The following FRRS1 variants were observed in gnomAD, a reference collection of about 807,000 sequenced individuals.
The protein encoded by FRRS1 is ferric reductase 1.
In FRRS1, 51 loss-of-function variants were observed where a neutral mutation model predicts 70.7. The observed-to-expected ratio is 0.72, with a 90% CI of 0.58 to 0.91. The LOEUF (loss-of-function observed/expected upper bound fraction) is 0.91, where lower values mean the gene tolerates loss of function less well. FRRS1 is among the 40% of genes least tolerant of loss of function. The pLI, the probability that FRRS1 is intolerant of heterozygous loss-of-function variation, is 0.00. For missense variants in FRRS1, 672 were observed against 726.0 expected, an observed-to-expected ratio of 0.93 and a Z score of 0.86; for synonymous variants, 225 against 238.7, an observed-to-expected ratio of 0.94 and a Z score of 0.53.
chr1:99,752,612 GA>G (rs950404934), intron 1 of FRRS1, among the ~76,000 whole-genome samples: 1 of 152,150 alleles, frequency 6.6e-6, no homozygotes, highest in Non-Finnish European at 1.5e-5. Context: ...AAAAAGTTTA[GA>G]AACTTGCAAA....
intron 11 of FRRS1, 141 bp from the exon 12 acceptor site, chr1:99,715,813 AG>A: frequency 3.7e-6 from 2 of 544,010 alleles, no homozygotes; most frequent in Non-Finnish European, 3.4e-6. Flanking sequence ...CACAGTTTGT[AG>A]CCAGGTTAAG....
chr1:99,731,758 A>C (rs913980242), intron 7 of FRRS1, among the ~76,000 whole-genome samples: 2 of 152,228 alleles, frequency 1.3e-5, no homozygotes, highest in South Asian at 4.1e-4. Context: ...AACAGAGACC[A>C]TATTGCCCAC....
chr1:99,737,930 G>T (rs1243787840), intron 7 of FRRS1, among the ~76,000 whole-genome samples, 156 bp downstream of exon 7: 7 of 152,094 alleles, frequency 4.6e-5, no homozygotes, highest in Admixed American at 2.0e-4. Flanking sequence ...TTTAGTAGAG[G>T]TGGGGTTTCA....
intron 9 of FRRS1, among the ~76,000 whole-genome samples, chr1:99,721,431 C>T (rs550578274): frequency 7.2e-4 from 108 of 150,826 alleles, no homozygotes; most frequent in African/African-American, 2.5e-3. Context: ...GACATAGCTG[C>T]TAATATAGAA....
Position 99,708,854 on chromosome 1 carries a change from C to T in FRRS1, c.*174G>A. 7.5e-7 allele frequency: 1 copy of T among 1,330,190 alleles called. No individual in the cohort carries two copies. The highest frequency in any genetic ancestry group is 1.7e-5 in the Admixed American group (1 of 58,796). 82.4% of individuals were successfully genotyped at this position (1,330,190 alleles called of 1,614,324 possible). On this transcript the variant is annotated 3_prime_UTR_variant, in exon 17 of 17. Transcript: ENST00000646001. ...TGACATTAATTTATAGTCTATATGA[C>T]CCTCTTGAATGTTGTTCTCTAAAGG...
Position 99,712,437 on chromosome 1 carries a change from G to C in FRRS1, c.1402C>G (p.Pro468Ala), listed in dbSNP as rs1293612872. ...AAGTACCTTGGGTCATGTAAAGGTG[G>C]CCTGAAGACTGCCAGAAGAGGCTGA... ...VLQPLLAVFR[P>A]PLHDPRRQMF... Residue 468 changes from proline to alanine, a missense_variant, in exon 13 of 17, where the codon CCA becomes GCA. Transcript: ENST00000646001. 1 of 1,611,278 alleles carries C rather than the reference G, an allele frequency of 6.2e-7. No homozygotes were observed.
intron 9 of FRRS1, among the ~76,000 whole-genome samples, chr1:99,723,922 A>G (rs1654956387): frequency 1.3e-5 from 2 of 152,208 alleles, no homozygotes; most frequent in South Asian, 4.1e-4. Context: ...TGTCAAGAAG[A>G]AAAAGACAGT....
At chr1:99,728,012 C>T (rs149872103) in intron 9 of FRRS1, among the ~76,000 whole-genome samples, 199 of 152,354 alleles carry the variant, frequency 1.3e-3, no homozygotes, top group African/African-American at 4.6e-3. Flanking sequence ...GCAGCTTACT[C>T]AGCTGTCCAG....
chr1:99,732,364 AC>A (rs1172634820), intron 7 of FRRS1, among the ~76,000 whole-genome samples: 4 of 152,188 alleles, frequency 2.6e-5, no homozygotes, highest in Non-Finnish European at 5.9e-5. Context: ...CTATGAGAGA[AC>A]ATTAAGCTGG....
Position 99,720,687 on chromosome 1 carries a change from T to C in FRRS1, c.1007-1040A>G, listed in dbSNP as rs568018335. On this transcript the variant is annotated intron_variant, in intron 9 of 16. Transcript: ENST00000646001. Reference sequence around the variant, plus strand: ...ATATTTATAAAACTACTCTTTTTAATAACCTTTGGATTAAATAAGAAATTA... The same window carrying C: ...ATATTTATAAAACTACTCTTTTTAACAACCTTTGGATTAAATAAGAAATTA... Among the ~76,000 whole-genome samples, 5 of 152,276 alleles carry C rather than the reference T, an allele frequency of 3.3e-5. No individual in the cohort carries two copies. The South Asian group carries it at 1.0e-3, about 32-fold the overall frequency.
intron 15 of FRRS1, among the ~76,000 whole-genome samples, chr1:99,710,247 C>A (rs549296089): frequency 2.0e-5 from 3 of 152,242 alleles, no homozygotes; most frequent in African/African-American, 7.2e-5. Context: ...ATACCCATTC[C>A]CTACTAATTT....
rs1173661727 is a variant in FRRS1 at position 99,704,590 on chromosome 1, C to G, written c.*4438G>C. ...CTTCAGCGCCCAAATGTTGCATTTC[C>G]TAAGACCACCCTGGCTCACCACGCC... On this transcript the variant is annotated 3_prime_UTR_variant, in exon 17 of 17. Coordinates refer to ENST00000646001, the MANE Select transcript of FRRS1 (RefSeq NM_001361041.2). Among the ~76,000 whole-genome samples, 1 of 152,134 alleles carries G rather than the reference C, an allele frequency of 6.6e-6. No individual in the cohort carries two copies. Among genetic ancestry groups the G allele is most frequent in the Non-Finnish European group, 1.5e-5 (1 of 68,018 alleles).
chr1:99,708,023 T>G lies in FRRS1; in HGVS notation c.*1005A>C, dbSNP rs1180364417. On this transcript the variant is annotated 3_prime_UTR_variant, in exon 17 of 17. Transcript: ENST00000646001. ...AACAATTAACACATAAAATGCTATTTCATCTCTGTAGCTGAATACATAAAT... is the reference window on the plus strand; with the variant it reads ...AACAATTAACACATAAAATGCTATTGCATCTCTGTAGCTGAATACATAAAT... 1.3e-5 allele frequency among the ~76,000 whole-genome samples: 2 copies of G among 152,236 alleles called. No individual in the cohort carries two copies. Among genetic ancestry groups the G allele is most frequent in the Non-Finnish European group, 2.9e-5 (2 of 68,048 alleles).
intron 1 of FRRS1, among the ~76,000 whole-genome samples, chr1:99,765,956 G>A (rs1657336009): frequency 6.6e-6 from 1 of 151,948 alleles, no homozygotes; most frequent in Non-Finnish European, 1.5e-5. Context: ...AAATACAGAA[G>A]CAAATGAAAA....
At chr1:99,759,806 T>G (rs969989400) in intron 1 of FRRS1, among the ~76,000 whole-genome samples, 2 of 152,216 alleles carry the variant, frequency 1.3e-5, no homozygotes, top group Non-Finnish European at 2.9e-5. Flanking sequence ...AAGCAGCAGA[T>G]TTATCTTCTT....
In FRRS1 at chr1:99,742,225, C is replaced by CTT; in HGVS notation, c.380_381dup (p.Val128LysfsTer17). 6.2e-7 allele frequency: 1 copy of CTT among 1,612,468 alleles called. No individual in the cohort carries two copies. The highest frequency in any genetic ancestry group is 8.5e-7 in the Non-Finnish European group (1 of 1,178,520). ...GCACTGCTTGGAGCATTCCAGTAGA[C>CTT]TTTAATTTCTGTTTTTTTAGATGCA... On this transcript the variant is annotated frameshift_variant, in exon 5 of 17. Coordinates refer to ENST00000646001, the MANE Select transcript of FRRS1 (RefSeq NM_001361041.2). LOFTEE classifies it high-confidence loss of function.
At chr1:99,760,202 A>G (rs531210500) in intron 1 of FRRS1, among the ~76,000 whole-genome samples, 143 of 152,364 alleles carry the variant, frequency 9.4e-4, no homozygotes, top group East Asian at 2.1e-3. Context: ...ACTATTTATA[A>G]TATCACTATT....
chr1:99,741,844 G>A (rs1014547225), intron 5 of FRRS1, among the ~76,000 whole-genome samples: 1 of 152,164 alleles, frequency 6.6e-6, no homozygotes. Flanking sequence ...TTTTGTGACA[G>A]GTCCTGTGCT....
chr1:99,734,814 T>G (rs1655567617), intron 7 of FRRS1, among the ~76,000 whole-genome samples: 1 of 152,098 alleles, frequency 6.6e-6, no homozygotes, highest in Admixed American at 6.5e-5. Flanking sequence ...GTCTTTTAGA[T>G]GTTGCTTTGT....
Sources: gnomAD v4.1 joint callset for allele counts (sites outside exome capture counted in the v4.1 genomes callset) on GRCh38, gnomAD v4.1.1 for gene constraint, MANE v1.5 for transcripts, NCBI Gene and HGNC (gene_info 2026-07-23, HGNC 2026-07-21) for gene names.